Variants in PRKDC observed in about 807,000 individuals in gnomAD.
The protein encoded by PRKDC is protein kinase, DNA-activated, catalytic subunit, also known as DNA-dependent protein kinase catalytic subunit.
A neutral mutation model predicts 486.9 loss-of-function variants in PRKDC; 82 were observed. That is an observed-to-expected ratio of 0.17 (90% CI 0.14 to 0.20). The LOEUF is 0.20. Ranked by LOEUF, PRKDC falls within the 10% of genes least tolerant of loss-of-function variation. PRKDC has a pLI of 1.00. For synonymous variants in PRKDC, 1,895 were observed against 1,837.0 expected (o/e 1.03, Z -0.81); for missense variants, 4,504 against 5,038.2 (o/e 0.89, Z 3.21).
At chr8:47,888,222 C>A (rs561058972) in intron 34 of PRKDC, among the ~76,000 whole-genome samples, 2 of 152,228 alleles carry the variant, frequency 1.3e-5, no homozygotes, top group South Asian at 4.1e-4. Context: ...GTTGTCTTGC[C>A]ACAAAGGCAC....
At chr8:47,816,097 C>G (rs920886038) in intron 68 of PRKDC, among the ~76,000 whole-genome samples, 1 of 151,990 alleles carries the variant, frequency 6.6e-6, no homozygotes, top group Non-Finnish European at 1.5e-5. Flanking sequence ...GCCTGTAATC[C>G]CAGCTACTTG....
intron 49 of PRKDC, among the ~76,000 whole-genome samples, chr8:47,856,532 G>A (rs141484879): frequency 7.2e-5 from 11 of 152,138 alleles, no homozygotes; most frequent in African/African-American, 2.4e-4. Flanking sequence ...GCCTAGCCCC[G>A]CATGTGTATA....
rs956950776 is a variant in PRKDC at position 47,887,698 on chromosome 8, T to C, written c.4421A>G (p.Asp1474Gly). 3.1e-6 allele frequency: 5 copies of C among 1,606,036 alleles called. No individual in the cohort carries two copies. The highest frequency in any genetic ancestry group is 4.2e-6 in the Non-Finnish European group (5 of 1,176,878). Reference protein sequence around the residue: ...LHNILPSQSTDLHHSVGTELL... With the variant: ...LHNILPSQSTGLHHSVGTELL... ...TTCTGTGCCAACAGAATGATGCAAATCTGTGGACTAAAAGGAAGCCAACAC... is the reference window on the plus strand; with the variant it reads ...TTCTGTGCCAACAGAATGATGCAAACCTGTGGACTAAAAGGAAGCCAACAC... The change falls in exon 35 of 86, where the codon GAT becomes GGT. Residue 1474 changes from aspartate to glycine, a missense_variant. Physicochemically the swap from Asp to Gly is moderately conservative, Grantham distance 94 (BLOSUM62 -1). Coordinates refer to ENST00000314191, the MANE Select transcript of PRKDC (RefSeq NM_006904.7).
At chr8:47,781,900 G>T (rs537539944) in intron 80 of PRKDC, among the ~76,000 whole-genome samples, 2 of 152,290 alleles carry the variant, frequency 1.3e-5, no homozygotes, top group East Asian at 3.9e-4. Flanking sequence ...TTTACTACAT[G>T]TTATCTGATA....
At chr8:47,850,190 G>A (rs1196103558) in intron 52 of PRKDC, among the ~76,000 whole-genome samples, 6 of 152,140 alleles carry the variant, frequency 3.9e-5, no homozygotes, top group African/African-American at 7.2e-5. Context: ...AGGAAGCAAC[G>A]GAAAACACTG....
At position 47,933,136 on chromosome 8, in the gene PRKDC, T is replaced by A; in HGVS notation, c.1660A>T (p.Asn554Tyr). The A allele has an allele frequency of 6.4e-7, 1 of 1,551,922 alleles. No homozygotes were observed. The change falls in exon 16 of 86, where the codon AAT (asparagine) becomes TAT (tyrosine). Residue 554 changes from asparagine to tyrosine, a missense_variant. Asn to Tyr is a moderately radical substitution (Grantham distance 143, BLOSUM62 -2). This residue lies in a region of PRKDC where 1,969 missense variants were observed against 2,068.9 expected (regional missense o/e 0.95). Transcript: ENST00000314191. ...TGATTCAGACTTTCACTGGAGGAAT[T>A]CACAGAGAAAAATGCTTCATCTGCT... ...ILADEAFFSV[N>Y]SSSESLNHLL... is the part of the protein sequence containing the mutation.
In PRKDC at chr8:47,914,319, GTTAC is replaced by G. The variant is rs1050861749; in HGVS notation, c.2618-259_2618-256del. 1.4e-4 allele frequency among the ~76,000 whole-genome samples: 21 copies of G among 152,020 alleles called. No individual in the cohort carries two copies. The East Asian group carries it at 2.9e-3, about 21-fold the overall frequency. On this transcript the variant is annotated intron_variant, in intron 23 of 85. Coordinates refer to ENST00000314191, the MANE Select transcript of PRKDC (RefSeq NM_006904.7). ...TGTTTAATATCCAAATTCAGTAAGA[GTTAC>G]TTAAAGTATTTTGTAGAAGAAAGTC...
chr8:47,857,374 T>C, intron 48 of PRKDC, 75 bp from the exon 49 acceptor site: 1 of 1,450,374 alleles, frequency 6.9e-7, no homozygotes, highest in East Asian at 2.3e-5. Flanking sequence ...GACTGTATCT[T>C]CCATCAGCTA....
Position 47,857,285 on chromosome 8 carries a change from G to C in PRKDC, c.6480C>G (p.Tyr2160Ter). 6.2e-7 allele frequency: 1 copy of C among 1,611,124 alleles called. No individual in the cohort carries two copies. Among genetic ancestry groups the C allele is most frequent in the Non-Finnish European group, 8.5e-7 (1 of 1,178,972 alleles). ...GCAAGGGGCTAAGCCAGTGCTTCGC[G>C]TAAGGGCGAAAGACCTACAAGAGGA... is the stretch of plus-strand genomic sequence containing the variant. ...VINTEEVFRP[Y>*]AKHWLSPLLQ... Residue 2160 changes from tyrosine to a stop codon, truncating the protein, a stop_gained, in exon 49 of 86, where the codon TAC becomes TAG. Coordinates refer to ENST00000314191, the MANE Select transcript of PRKDC (RefSeq NM_006904.7). LOFTEE classifies it high-confidence loss of function.
chr8:47,803,698 C>T (rs187404866), intron 69 of PRKDC, among the ~76,000 whole-genome samples: 1 of 152,108 alleles, frequency 6.6e-6, no homozygotes, highest in East Asian at 1.9e-4. Flanking sequence ...GCCTGTAATC[C>T]CAGCATTTTG....
At chr8:47,852,590 G>T (rs1027739609) in intron 52 of PRKDC, 83 bp downstream of exon 52, 2 of 820,272 alleles carry the variant, frequency 2.4e-6, no homozygotes, top group Non-Finnish European at 3.6e-6. Context: ...TACCATACAA[G>T]AAATAAACAT....
At chr8:47,915,824 C>G (rs565824266) in intron 22 of PRKDC, among the ~76,000 whole-genome samples, 62 of 152,188 alleles carry the variant, frequency 4.1e-4, no homozygotes, top group Non-Finnish European at 8.5e-4. Context: ...GTTGGAAAAC[C>G]AGGCAAGAAA....
At chr8:47,854,434 G>T (rs2088486485) in intron 50 of PRKDC, among the ~76,000 whole-genome samples, 1 of 152,096 alleles carries the variant, frequency 6.6e-6, no homozygotes, top group Non-Finnish European at 1.5e-5. Flanking sequence ...TGCCCCCTGG[G>T]TTCACGCCAT....
chr8:47,827,791 A>T (rs932624703), intron 62 of PRKDC, among the ~76,000 whole-genome samples: 3 of 152,262 alleles, frequency 2.0e-5, no homozygotes, highest in Non-Finnish European at 4.4e-5. Context: ...CCAGCCACCT[A>T]GAATAAAGCC....
At chr8:47,821,372 T>C (rs988960106) in intron 65 of PRKDC, among the ~76,000 whole-genome samples, 1 of 152,198 alleles carries the variant, frequency 6.6e-6, no homozygotes, top group South Asian at 2.1e-4. Flanking sequence ...GTAGTCATAC[T>C]AGGAATGTTA....
chr8:47,869,967 A>C (rs1219950488), intron 40 of PRKDC, among the ~76,000 whole-genome samples: 1 of 152,162 alleles, frequency 6.6e-6, no homozygotes, highest in Non-Finnish European at 1.5e-5. Flanking sequence ...AGGAGAGGGA[A>C]GAATGAAAAG....
intron 37 of PRKDC, 78 bp downstream of exon 37, chr8:47,881,834 A>C: frequency 1.6e-6 from 2 of 1,240,082 alleles, no homozygotes; most frequent in South Asian, 1.8e-5. Context: ...TTTTGGAGCA[A>C]CCTCCATCAA....
At chr8:47,881,247 C>T (rs1326308429) in intron 38 of PRKDC, among the ~76,000 whole-genome samples, 169 bp downstream of exon 38, 2 of 152,076 alleles carry the variant, frequency 1.3e-5, no homozygotes, top group African/African-American at 4.8e-5. Flanking sequence ...CACACCCACA[C>T]AGGATGGTTA....
chr8:47,803,146 T>C (rs185412099), intron 70 of PRKDC, among the ~76,000 whole-genome samples, 160 bp downstream of exon 70: 1 of 152,326 alleles, frequency 6.6e-6, no homozygotes. Flanking sequence ...TTCAAAATAA[T>C]TAAACTATCA....
Sources: gnomAD v4.1 joint callset for allele counts (sites outside exome capture counted in the v4.1 genomes callset) on GRCh38, gnomAD v4.1.1 for gene constraint, gnomAD v4.1.1 regional missense constraint, MANE v1.5 for transcripts, NCBI Gene and HGNC (gene_info 2026-07-23, HGNC 2026-07-21) for gene names.